The following NGEF variants were observed in gnomAD, a reference collection of about 807,000 sequenced individuals.
NGEF encodes the protein neuronal guanine nucleotide exchange factor.
A neutral mutation model predicts 80.9 loss-of-function variants in NGEF; 31 were observed. That is an observed-to-expected ratio of 0.38 (90% CI 0.29 to 0.52). The LOEUF (loss-of-function observed/expected upper bound fraction) is 0.52, where lower values mean the gene tolerates loss of function less well. NGEF is among the 20% of genes least tolerant of loss of function. The pLI is 0.84. For missense variants in NGEF, 709 were observed against 926.2 expected (o/e 0.77, Z 3.04); for synonymous variants, 371 against 370.2 (o/e 1.00, Z -0.03).
At position 233,008,407 on chromosome 2, in the gene NGEF, G is replaced by A. The variant is rs533278795; in HGVS notation, c.-75+4661C>T. 7.5e-4 allele frequency among the ~76,000 whole-genome samples: 114 copies of A among 152,326 alleles called. No individual in the cohort carries two copies. The Middle Eastern group carries it at 0.01, about 14-fold the overall frequency. On this transcript the variant is annotated intron_variant, in intron 1 of 14. Transcript: ENST00000264051. ...TGGGCTGCATGAGGTACTCTCCAGGGATTTGGCCTTCATGGAGTTCACTGT... is the reference window on the plus strand; with the variant it reads ...TGGGCTGCATGAGGTACTCTCCAGGAATTTGGCCTTCATGGAGTTCACTGT...
chr2:232,955,833 T>C (rs1308813306), intron 3 of NGEF, among the ~76,000 whole-genome samples: 2 of 152,174 alleles, frequency 1.3e-5, no homozygotes, highest in African/African-American at 4.8e-5. Flanking sequence ...CTTGGTTTTG[T>C]GACTCTGACA....
At chr2:232,983,933 C>T (rs1694487126) in intron 1 of NGEF, among the ~76,000 whole-genome samples, 1 of 152,226 alleles carries the variant, frequency 6.6e-6, no homozygotes, top group Admixed American at 6.5e-5. Context: ...GCTACCTCTT[C>T]TCACTCCTTG....
chr2:232,959,578 CCT>C (rs1491230132), intron 3 of NGEF, among the ~76,000 whole-genome samples: 7 of 91,838 alleles, frequency 7.6e-5, no homozygotes, highest in Non-Finnish European at 1.0e-4. Flanking sequence ...ACAGCAATGA[CCT>C]TTTTTTTTTT....
At chr2:232,930,301 A>AGT (rs1174263518) in intron 3 of NGEF, among the ~76,000 whole-genome samples, 1 of 147,424 alleles carries the variant, frequency 6.8e-6, no homozygotes, top group Admixed American at 6.9e-5. Flanking sequence ...AGAGAGAGAG[A>AGT]GTACTCTGGG....
Position 232,927,033 on chromosome 2 carries a change from G to T in NGEF, c.526+11C>A. On this transcript the variant is annotated intron_variant, in intron 4 of 14. Coordinates refer to ENST00000264051, the MANE Select transcript of NGEF (RefSeq NM_019850.3). ...TCCCAAATAAAACCCGGTTACTGCG[G>T]AGACACCCACCTATTTGTTCAATGA... 1 of 1,614,012 alleles carries T rather than the reference G, an allele frequency of 6.2e-7. No individual in the cohort carries two copies.
chr2:232,918,889 A>G (rs1692871302), intron 5 of NGEF, among the ~76,000 whole-genome samples: 1 of 152,066 alleles, frequency 6.6e-6, no homozygotes, highest in Non-Finnish European at 1.5e-5. Flanking sequence ...TGCCTCCCAA[A>G]GTGCTGGGAT....
rs77439551 is a variant in NGEF, at chr2:232,948,149, G to A, written c.384-20963C>T. Among the ~76,000 whole-genome samples the A allele has an allele frequency of 6.4e-4, 73 of 114,252 alleles. 1 individual carries two copies. The highest frequency in any genetic ancestry group is 3.0e-3 in the African/African-American group (63 of 21,328). The allele number at this position is 114,252 out of a possible 152,430, so 75.0% of individuals were successfully genotyped here. A position where few individuals can be genotyped will look rare whatever the true frequency, so the allele number is the denominator to read the frequency against. On this transcript the variant is annotated intron_variant, in intron 3 of 14. Coordinates refer to ENST00000264051, the MANE Select transcript of NGEF (RefSeq NM_019850.3). ...GGTCATTTGAATATAGCCTGGAGAT[G>A]TGTGTGTGTGTGTGTGTGTGTGTGT... is the stretch of plus-strand genomic sequence containing the variant.
At chr2:232,943,106 G>A (rs1456908965) in intron 3 of NGEF, among the ~76,000 whole-genome samples, 5 of 152,028 alleles carry the variant, frequency 3.3e-5, no homozygotes, top group Non-Finnish European at 5.9e-5. Context: ...GTCTAGGCCT[G>A]CTTCTCTGTT....
In NGEF at chr2:232,892,270, G is replaced by A. The variant is rs1046022132; in HGVS notation, c.1142+628C>T. Among the ~76,000 whole-genome samples, 6 of 152,106 alleles carry A rather than the reference G, an allele frequency of 3.9e-5. No individual in the cohort carries two copies. Among genetic ancestry groups the A allele is most frequent in the Non-Finnish European group, 5.9e-5 (4 of 68,028 alleles). ...GTCTTGGTGGAAAAGCCAGTGAGGC[G>A]CAATGTGCAGACGCCACAACTGGAA... is the stretch of plus-strand genomic sequence containing the variant. On this transcript the variant is annotated intron_variant, in intron 7 of 14. Transcript: ENST00000264051. The surrounding 1 kb of genome is among the most constrained non-coding windows in gnomAD (Gnocchi z 4.0).
At chr2:232,913,619 G>A (rs1266336336) in intron 5 of NGEF, among the ~76,000 whole-genome samples, 1 of 152,034 alleles carries the variant, frequency 6.6e-6, no homozygotes, top group Non-Finnish European at 1.5e-5. Context: ...TATTATTATT[G>A]TGGATTAAAA....
At chr2:232,928,057 G>A (rs1049993065) in intron 3 of NGEF, 2 of 1,163,734 alleles carry the variant, frequency 1.7e-6, no homozygotes, top group Non-Finnish European at 2.1e-6. Flanking sequence ...GGGGCCCTGG[G>A]CTGGGTCGGG....
intron 3 of NGEF, among the ~76,000 whole-genome samples, chr2:232,969,798 G>C (rs902655821): frequency 3.4e-4 from 52 of 152,062 alleles, no homozygotes; most frequent in African/African-American, 1.3e-3. Context: ...ACAGGTGTGA[G>C]CCACCACGCC....
chr2:232,897,943 C>T (rs1692151355), intron 5 of NGEF, among the ~76,000 whole-genome samples: 1 of 152,240 alleles, frequency 6.6e-6, no homozygotes, highest in South Asian at 2.1e-4. Context: ...ACCTAAAAAG[C>T]AGCCACAGCA....
At chr2:232,948,202 T>C (rs1008029538) in intron 3 of NGEF, among the ~76,000 whole-genome samples, 12 of 151,342 alleles carry the variant, frequency 7.9e-5, no homozygotes, top group Middle Eastern at 3.4e-3. Context: ...TATTATTAGT[T>C]TTTTGAGACA....
Position 232,914,604 on chromosome 2 carries a change from G to A in NGEF, c.828+5680C>T, listed in dbSNP as rs1692753836. Among the ~76,000 whole-genome samples the A allele has an allele frequency of 3.3e-5, 5 of 152,182 alleles. No individual in the cohort carries two copies. In the South Asian group the frequency reaches 1.0e-3, roughly 32 times the overall value. The stretch of plus-strand genomic sequence containing the variant: ...TGTAGTCTCAGCCACTTGGGAGGCT[G>A]AGGCACGAGAATTGCTTGAACCCAG... On this transcript the variant is annotated intron_variant, in intron 5 of 14. Transcript: ENST00000264051.
At chr2:232,958,693 C>G (rs1693884621) in intron 3 of NGEF, among the ~76,000 whole-genome samples, 1 of 152,032 alleles carries the variant, frequency 6.6e-6, no homozygotes, top group African/African-American at 2.4e-5. Flanking sequence ...TACTCAAGCT[C>G]CTGTCTTTTT....
chr2:232,972,434 T>C (rs1694212685), intron 2 of NGEF, among the ~76,000 whole-genome samples: 1 of 152,206 alleles, frequency 6.6e-6, no homozygotes, highest in South Asian at 2.1e-4. Context: ...CACTGGAAAA[T>C]TTAAAATGAT....
Position 233,013,162 on chromosome 2 carries a change from GT to G in NGEF, c.-170del, listed in dbSNP as rs1283443647. ...CAGGCACCTGCGAGCAGGATGGTGT[GT>G]CCCCGGCTAAATCCACAGGCGCTCC... On this transcript the variant is annotated 5_prime_UTR_variant, in exon 1 of 15. The change creates a premature stop within an existing upstream ORF in the 5' untranslated region. Coordinates refer to ENST00000264051, the MANE Select transcript of NGEF (RefSeq NM_019850.3). 4 of 471,126 alleles carry G rather than the reference GT, an allele frequency of 8.5e-6. No homozygotes were observed. The highest frequency in any genetic ancestry group is 1.8e-5 in the Non-Finnish European group (4 of 227,080). The allele number at this position is 471,126 out of a possible 1,614,324, so 29.2% of individuals were successfully genotyped here. A position where few individuals can be genotyped will look rare whatever the true frequency, so the allele number is the denominator to read the frequency against.
intron 3 of NGEF, among the ~76,000 whole-genome samples, chr2:232,929,890 T>C (rs1467023702): frequency 6.6e-6 from 1 of 152,132 alleles, no homozygotes; most frequent in East Asian, 1.9e-4. Flanking sequence ...GGGGGTGGTT[T>C]CCCCCATATT....
Sources: gnomAD v4.1 joint callset for allele counts (sites outside exome capture counted in the v4.1 genomes callset) on GRCh38, gnomAD v4.1.1 for gene constraint, Gnocchi (gnomAD v3.1) non-coding constraint, MANE v1.5 for transcripts, NCBI Gene and HGNC (gene_info 2026-07-23, HGNC 2026-07-21) for gene names.